PDE8B: variants seen among roughly 807,000 people sequenced by gnomAD.
PDE8B encodes the protein high affinity cAMP-specific and IBMX-insensitive 3',5'-cyclic phosphodiesterase 8B.
In PDE8B, 26 loss-of-function variants were observed where a neutral mutation model predicts 101.3. The ratio of observed to expected loss-of-function variants is 0.26; its 90% CI spans 0.19 to 0.36. The LOEUF (loss-of-function observed/expected upper bound fraction) is 0.36. Ranked by LOEUF, PDE8B falls within the 10% of genes least tolerant of loss-of-function variation. The probability of loss-of-function intolerance (pLI) is 1.00; values close to 1 mark genes in which losing one functional copy is unlikely to be tolerated. For missense variants in PDE8B, 810 were observed against 1,163.1 expected, an observed-to-expected ratio of 0.70 and a Z score of 4.42; for synonymous variants, 424 against 429.3, an observed-to-expected ratio of 0.99 and a Z score of 0.15.
In PDE8B at chr5:77,337,326, A is replaced by T; in HGVS notation, c.797+11A>T. On this transcript the variant is annotated intron_variant, in intron 6 of 21. Coordinates refer to ENST00000264917, the MANE Select transcript of PDE8B (RefSeq NM_003719.5). Reference sequence around the variant, plus strand: ...CCAGTTCAAATTACGGTATGTAGCAAAATGATACAGTAACATGAGGTTAAC... The same window carrying T: ...CCAGTTCAAATTACGGTATGTAGCATAATGATACAGTAACATGAGGTTAAC... 1 of 1,330,204 alleles carries T rather than the reference A, an allele frequency of 7.5e-7. No individual in the cohort carries two copies. The highest frequency in any genetic ancestry group is 1.1e-6 in the Non-Finnish European group (1 of 924,494). The allele number at this position is 1,330,204 out of a possible 1,614,324, so 82.4% of individuals were successfully genotyped here.
At chr5:77,371,307 C>A (rs909275166) in intron 10 of PDE8B, among the ~76,000 whole-genome samples, 2 of 152,124 alleles carry the variant, frequency 1.3e-5, no homozygotes, top group African/African-American at 2.4e-5. Context: ...CAGATGGGAT[C>A]AAGCTTAATA....
intron 1 of PDE8B, among the ~76,000 whole-genome samples, chr5:77,214,378 C>G (rs1407634271): frequency 6.6e-6 from 1 of 152,226 alleles, no homozygotes; most frequent in African/African-American, 2.4e-5. Context: ...CACCAGCTCC[C>G]CGTTTTCCCT....
chr5:77,400,211 C>CTT (rs1561653795), intron 10 of PDE8B, 37 bp from the exon 11 acceptor site: 1 of 1,461,766 alleles, frequency 6.8e-7, no homozygotes, highest in Non-Finnish European at 9.6e-7. Flanking sequence ...TATTTAAAAT[C>CTT]TTTCTCTTGT....
intron 2 of PDE8B, among the ~76,000 whole-genome samples, chr5:77,320,431 G>A (rs116869733): frequency 6.6e-6 from 1 of 152,270 alleles, no homozygotes; most frequent in East Asian, 1.9e-4. Flanking sequence ...CTCCTCTTTT[G>A]CTGTGTTTAC....
chr5:77,418,200 A>G (rs762385083), intron 17 of PDE8B, 29 bp from the exon 18 acceptor site: 7 of 1,415,154 alleles, frequency 4.9e-6, no homozygotes, highest in Non-Finnish European at 1.0e-6. Context: ...CCAGTGGGTA[A>G]TGCTCAACCT....
the PDE8B span, among the ~76,000 whole-genome samples, chr5:77,137,390 T>A: frequency 6.6e-6 from 1 of 152,114 alleles, no homozygotes; most frequent in Non-Finnish European, 1.5e-5. Context: ...CTTTTCCAAA[T>A]GGCCTATTCA....
At chr5:77,231,144 C>T (rs779741348) in intron 1 of PDE8B, among the ~76,000 whole-genome samples, 18 of 152,216 alleles carry the variant, frequency 1.2e-4, no homozygotes, top group South Asian at 4.1e-4. Flanking sequence ...GAAGAAATGG[C>T]GGTTAAAATA....
chr5:77,152,472 G>A, the PDE8B span, among the ~76,000 whole-genome samples: 1 of 152,092 alleles, frequency 6.6e-6, no homozygotes, highest in Admixed American at 6.5e-5. Context: ...GGAGTGGCCA[G>A]GCAGGCATCT....
At chr5:77,319,434 C>T (rs562817679) in intron 2 of PDE8B, among the ~76,000 whole-genome samples, 5 of 152,120 alleles carry the variant, frequency 3.3e-5, no homozygotes, top group East Asian at 1.9e-4. Context: ...CCTATCTCTC[C>T]GTGATAAACC....
intron 1 of PDE8B, among the ~76,000 whole-genome samples, chr5:77,252,123 G>A (rs1208711636): frequency 2.6e-5 from 4 of 152,196 alleles, no homozygotes; most frequent in African/African-American, 9.7e-5. Context: ...TATTCTGAGT[G>A]CAAGGCTTGA....
At chr5:77,247,282 C>T (rs1757140301) in intron 1 of PDE8B, among the ~76,000 whole-genome samples, 1 of 152,178 alleles carries the variant, frequency 6.6e-6, no homozygotes, top group Admixed American at 6.5e-5. Flanking sequence ...CAGTAGCTCC[C>T]AATGCCAGCC....
chr5:77,394,446 G>C (rs897363132), intron 10 of PDE8B, among the ~76,000 whole-genome samples: 2 of 152,166 alleles, frequency 1.3e-5, no homozygotes, highest in African/African-American at 4.8e-5. Flanking sequence ...CCCCATCAGA[G>C]TGTTTCTCTG....
Position 77,421,865 on chromosome 5 carries a change from C to T in PDE8B, c.2295C>T (p.Phe765=). The change falls in exon 20 of 22, where the codon TTC becomes TTT. Residue 765 remains phenylalanine, a synonymous_variant. Transcript: ENST00000264917. ...AATGCAACCCTGCTGGGAAGAACTT[C>T]CCTGAAAACCAAATCCTGATCAAAC... The part of the protein sequence containing the change: ...DCECNPAGKN[F]PENQILIKRM... The T allele has an allele frequency of 6.2e-7, 1 of 1,614,094 alleles. No homozygotes were observed. The highest frequency in any genetic ancestry group is 8.5e-7 in the Non-Finnish European group (1 of 1,180,006).
the PDE8B span, among the ~76,000 whole-genome samples, chr5:77,177,670 G>A: frequency 6.6e-6 from 1 of 152,170 alleles, no homozygotes; most frequent in Non-Finnish European, 1.5e-5. Context: ...AATAAAATAA[G>A]GGTGCCTTGA....
the PDE8B span, among the ~76,000 whole-genome samples, chr5:77,183,606 T>A: frequency 6.6e-6 from 1 of 152,228 alleles, no homozygotes; most frequent in Non-Finnish European, 1.5e-5. Context: ...TACACCTCAG[T>A]GCATAGAGAT....
At chr5:77,145,768 G>A in the PDE8B span, 2 of 152,224 alleles carry the variant, frequency 1.3e-5, no homozygotes, top group African/African-American at 2.4e-5. Context: ...GAAAGGGACG[G>A]AAAGAGTACA....
At chr5:77,386,953 G>A (rs112430153) in intron 10 of PDE8B, among the ~76,000 whole-genome samples, 9 of 132,570 alleles carry the variant, frequency 6.8e-5, no homozygotes, top group South Asian at 4.8e-4. Context: ...GCGCAATCTC[G>A]GCTCACTGCA....
chr5:77,245,848 C>CT (rs1756784405), intron 1 of PDE8B, among the ~76,000 whole-genome samples: 1 of 47,264 alleles, frequency 2.1e-5, no homozygotes, highest in African/African-American at 1.4e-4. Context: ...CTCCCCCCCC[C>CT]GCCCCCCCCC....
intron 1 of PDE8B, among the ~76,000 whole-genome samples, chr5:77,232,546 T>C (rs1282769733): frequency 6.6e-6 from 1 of 152,234 alleles, no homozygotes; most frequent in Non-Finnish European, 1.5e-5. Context: ...TTCACATAGC[T>C]GCATATATCA....
Sources: allele counts gnomAD v4.1 joint callset (sites outside exome capture counted in the v4.1 genomes callset), GRCh38; gene constraint gnomAD v4.1.1; transcripts MANE v1.5; gene names NCBI Gene and HGNC (gene_info 2026-07-23, HGNC 2026-07-21).